GMEB2: variants seen among roughly 807,000 people sequenced by gnomAD.
GMEB2 encodes glucocorticoid modulatory element-binding protein 2.
A neutral mutation model predicts 45.7 loss-of-function variants in GMEB2; 7 were observed. The observed-to-expected ratio is 0.15, with a 90% CI of 0.09 to 0.29. The LOEUF is 0.29. GMEB2 is among the 10% of genes least tolerant of loss of function. The pLI is 1.00. For synonymous variants in GMEB2, 322 were observed against 323.6 expected, an observed-to-expected ratio of 1.00 and a Z score of 0.05; for missense variants, 582 against 739.2, an observed-to-expected ratio of 0.79 and a Z score of 2.47.
Position 63,619,469 on chromosome 20 carries a change from G to A in GMEB2, c.-57-15C>T. The A allele has an allele frequency of 6.7e-7, 1 of 1,498,524 alleles. No individual in the cohort carries two copies. Among genetic ancestry groups the A allele is most frequent in the Middle Eastern group, 1.9e-4 (1 of 5,396 alleles). The allele number at this position is 1,498,524 out of a possible 1,614,324, so 92.8% of individuals were successfully genotyped here. On this transcript the variant is annotated splice_polypyrimidine_tract_variant and intron_variant, in intron 1 of 9. Transcript: ENST00000370077. This position sits in a 1 kb window ranked among gnomAD's most constrained non-coding sequence, Gnocchi z 4.6. ...GGTCCCAAGTCCTGGAGGAAGCAAG[G>A]CAGGGCACAGGGATGGAGTCATCTC...
intron 2 of GMEB2, among the ~76,000 whole-genome samples, chr20:63,608,803 C>CA (rs2089541350): frequency 2.3e-5 from 1 of 42,650 alleles, no homozygotes; most frequent in Non-Finnish European, 5.9e-5. Flanking sequence ...CTGACCCCAC[C>CA]TCCATTTCTA....
chr20:63,624,811 G>A (rs374282539), intron 1 of GMEB2, among the ~76,000 whole-genome samples: 71 of 152,214 alleles, frequency 4.7e-4, no homozygotes, highest in African/African-American at 1.5e-3. Context: ...GGGTTCAAGC[G>A]ATTCTCTTGC....
chr20:63,610,812 G>A (rs1026230423), intron 2 of GMEB2, among the ~76,000 whole-genome samples: 1 of 152,170 alleles, frequency 6.6e-6, no homozygotes, highest in Non-Finnish European at 1.5e-5. Context: ...ATCAAGACAG[G>A]GGGCTATTTC....
chr20:63,602,660 A>G (rs2083250085), intron 4 of GMEB2, among the ~76,000 whole-genome samples: 1 of 151,910 alleles, frequency 6.6e-6, no homozygotes, highest in Non-Finnish European at 1.5e-5. Flanking sequence ...GACCTTTCCC[A>G]CTCATCCTAA....
chr20:63,616,298 G>A (rs1399949520), intron 2 of GMEB2, among the ~76,000 whole-genome samples: 1 of 152,118 alleles, frequency 6.6e-6, no homozygotes, highest in African/African-American at 2.4e-5. Flanking sequence ...ACAAAAATGA[G>A]CTGGATGTGG....
At chr20:63,624,931 C>T (rs944800158) in intron 1 of GMEB2, among the ~76,000 whole-genome samples, 2 of 151,962 alleles carry the variant, frequency 1.3e-5, no homozygotes, top group Non-Finnish European at 2.9e-5. Context: ...CAGTCTCGAT[C>T]TCCTGACCTC....
intron 2 of GMEB2, among the ~76,000 whole-genome samples, chr20:63,606,007 G>C (rs61659179): frequency 1.3e-5 from 2 of 151,352 alleles, no homozygotes; most frequent in Non-Finnish European, 1.5e-5. Context: ...TGGAGGCAGC[G>C]AGTGCCCCAG....
chr20:63,618,947 C>T (rs2089626885), intron 2 of GMEB2, among the ~76,000 whole-genome samples: 1 of 152,206 alleles, frequency 6.6e-6, no homozygotes, highest in Non-Finnish European at 1.5e-5. Context: ...ACTGACTCTT[C>T]ACTTCATTTA....
At chr20:63,623,570 G>A (rs531397806) in intron 1 of GMEB2, among the ~76,000 whole-genome samples, 24 of 151,022 alleles carry the variant, frequency 1.6e-4, no homozygotes, top group African/African-American at 4.6e-4. Context: ...AGGCCGCGGC[G>A]GGTGGATCAT....
At chr20:63,600,974 G>A (rs1305950742) in intron 4 of GMEB2, among the ~76,000 whole-genome samples, 1 of 152,120 alleles carries the variant, frequency 6.6e-6, no homozygotes, top group African/African-American at 2.4e-5. Flanking sequence ...GGGTTAAGGA[G>A]GCACCTGCCA....
Position 63,593,866 on chromosome 20 carries a change from CAA to C in GMEB2, c.620-786_620-785del, listed in dbSNP as rs1334324366. ...GCAAAACCCCGTCTCTACTAAAATA[CAA>C]AGTCAACCGGGTGTGGCGGCGTGCG... is the stretch of plus-strand genomic sequence containing the variant. On this transcript the variant is annotated intron_variant, in intron 6 of 9. Transcript: ENST00000370077. The surrounding 1 kb of genome is among the most constrained non-coding windows in gnomAD (Gnocchi z 4.7). Among the ~76,000 whole-genome samples, 1 of 152,158 alleles carries C rather than the reference CAA, an allele frequency of 6.6e-6. No homozygotes were observed. Among genetic ancestry groups the C allele is most frequent in the Non-Finnish European group, 1.5e-5 (1 of 68,020 alleles).
rs965156382 is a variant in GMEB2 at position 63,592,822 on chromosome 20, T to C, written c.692-152A>G. The C allele has an allele frequency of 3.8e-6, 3 of 783,242 alleles. No individual in the cohort carries two copies. The highest frequency in any genetic ancestry group is 2.2e-6 in the Non-Finnish European group (1 of 454,644). 48.5% of individuals were successfully genotyped at this position (783,242 alleles called of 1,614,324 possible). ...GCTGGGCTTGCACTGCCCAGACACATCCACAGTGCCAAAATCTAGCAGGTC... is the reference window on the plus strand; with the variant it reads ...GCTGGGCTTGCACTGCCCAGACACACCCACAGTGCCAAAATCTAGCAGGTC... On this transcript the variant is annotated intron_variant, in intron 7 of 9. Transcript: ENST00000370077. The surrounding 1 kb of genome is among the most constrained non-coding windows in gnomAD (Gnocchi z 8.2).
chr20:63,607,217 G>A (rs2089527181), intron 2 of GMEB2, among the ~76,000 whole-genome samples: 1 of 131,420 alleles, frequency 7.6e-6, no homozygotes, highest in South Asian at 2.4e-4. Context: ...TCCATTTCTA[G>A]AAACATGCCC....
intron 2 of GMEB2, among the ~76,000 whole-genome samples, chr20:63,616,867 T>C (rs2089612283): frequency 6.6e-6 from 1 of 152,220 alleles, no homozygotes. Context: ...ATTCATATGT[T>C]GAAGGCCTCA....
At position 63,619,337 on chromosome 20, in the gene GMEB2, T is replaced by C. The variant is rs769194410; in HGVS notation, c.61A>G (p.Thr21Ala). 3.7e-6 allele frequency: 6 copies of C among 1,612,976 alleles called. No homozygotes were observed. In the Admixed American group the frequency reaches 1.0e-4, roughly 27 times the overall value. The change falls in exon 2 of 10, where the codon ACT becomes GCT. Residue 21 changes from threonine (T) to alanine (A), a missense_variant. Coordinates refer to ENST00000370077, the MANE Select transcript of GMEB2 (RefSeq NM_012384.5). This position sits in a 1 kb window ranked among gnomAD's most constrained non-coding sequence, Gnocchi z 4.6. ...TCCACACCACTGCCGTCCACTGCAG[T>C]GTCCGGAGTTGTCACAACCACCACC... Reference protein sequence around the residue: ...EEVVVVTTPDTAVDGSGVEGV... With the variant: ...EEVVVVTTPDAAVDGSGVEGV...
chr20:63,619,287 C>A lies in GMEB2; in HGVS notation c.111G>T (p.Thr37=). 1 of 1,611,332 alleles carries A rather than the reference C, an allele frequency of 6.2e-7. No individual in the cohort carries two copies. Among genetic ancestry groups the A allele is most frequent in the South Asian group, 1.1e-5 (1 of 90,894 alleles). The change falls in exon 2 of 10, where the codon ACG becomes ACT. Residue 37 remains threonine (T), a synonymous_variant. Transcript: ENST00000370077. The surrounding 1 kb of genome is among the most constrained non-coding windows in gnomAD (Gnocchi z 4.6). ...GVEGVKTVLV[T]TNLAPHGGDL... ...CTTACCCGTGAGGGGCCAAGTTGGT[C>A]GTCACCAACACGGTCTTCACCCCCT... is the stretch of plus-strand genomic sequence containing the variant.
intron 4 of GMEB2, among the ~76,000 whole-genome samples, chr20:63,600,627 A>AGAATCACTT (rs1187474491): frequency 6.7e-6 from 1 of 149,826 alleles, no homozygotes; most frequent in Non-Finnish European, 1.5e-5. Flanking sequence ...CTGAGGCAAG[A>AGAATCACTT]GAATCACTTG....
chr20:63,602,583 G>A (rs1459030545), intron 4 of GMEB2, among the ~76,000 whole-genome samples: 1 of 152,196 alleles, frequency 6.6e-6, no homozygotes, highest in East Asian at 1.9e-4. Flanking sequence ...GTCTTCACTG[G>A]CATTTTCGGC....
chr20:63,601,445 G>C (rs1470163482), intron 4 of GMEB2, among the ~76,000 whole-genome samples: 1 of 152,032 alleles, frequency 6.6e-6, no homozygotes, highest in Non-Finnish European at 1.5e-5. Flanking sequence ...TGGCTAATCT[G>C]CTGAAGACCT....
Sources: allele counts gnomAD v4.1 joint callset (sites outside exome capture counted in the v4.1 genomes callset), GRCh38; gene constraint gnomAD v4.1.1; non-coding constraint Gnocchi (gnomAD v3.1); transcripts MANE v1.5; gene names NCBI Gene and HGNC (gene_info 2026-07-23, HGNC 2026-07-21).